The following CHAC2 variants were observed in gnomAD, a reference collection of about 807,000 sequenced individuals.
CHAC2 encodes glutathione-specific gamma-glutamylcyclotransferase 2.
CHAC2 carries 20 observed loss-of-function variants against 16.9 expected under a neutral mutation model. The ratio of observed to expected loss-of-function variants is 1.18; its 90% CI spans 0.83 to 1.72. The LOEUF is 1.72. Ranked by LOEUF, CHAC2 falls within the 40% of genes most tolerant of loss-of-function variation. The probability of loss-of-function intolerance (pLI) is 0.00; values close to 1 mark genes in which losing one functional copy is unlikely to be tolerated. For synonymous variants in CHAC2, 91 were observed against 77.3 expected, an observed-to-expected ratio of 1.18 and a Z score of -0.93; for missense variants, 269 against 222.2, an observed-to-expected ratio of 1.21 and a Z score of -1.34.
chr2:53,771,519 A>AC (rs1453543965), intron 1 of CHAC2, among the ~76,000 whole-genome samples: 35 of 152,222 alleles, frequency 2.3e-4, no homozygotes, highest in African/African-American at 7.9e-4. Context: ...GTCTCAAAAA[A>AC]TAAATAAATA....
intron 2 of CHAC2, among the ~76,000 whole-genome samples, chr2:53,772,551 C>T (rs1012295356): frequency 2.8e-5 from 4 of 143,494 alleles, no homozygotes; most frequent in Admixed American, 6.9e-5. Flanking sequence ...TACCTGCCCC[C>T]GACAGCCAGA....
In CHAC2 at chr2:53,772,214, G is replaced by A. The variant is rs532606537; in HGVS notation, c.171+272G>A. Among the ~76,000 whole-genome samples the A allele has an allele frequency of 3.9e-5, 6 of 152,066 alleles. No individual in the cohort carries two copies. The South Asian group carries it at 6.2e-4, about 16-fold the overall frequency. ...TTTTGAGACAGAGTCTAGCTCTGTC[G>A]CCCAGGCTGGAGTGCAGTGGCGCGA... On this transcript the variant is annotated intron_variant, in intron 2 of 2. Transcript: ENST00000295304.
intron 1 of CHAC2, 126 bp downstream of exon 1, chr2:53,768,147 G>A (rs1228667130): frequency 8.9e-7 from 1 of 1,122,174 alleles, no homozygotes; most frequent in Non-Finnish European, 1.2e-6. Context: ...CATGGCTTGG[G>A]GTAACATTTC....
At position 53,767,967 on chromosome 2, in the gene CHAC2, C is replaced by A; in HGVS notation, c.81C>A (p.Asn27Lys). ...ACAAGCTGGTCGGATACATCACCAA[C>A]TACAGCAGGCGCTTCTGGCAGGGCA... ...YQDKLVGYITNYSRRFWQGST... is the reference protein window; with the variant it reads ...YQDKLVGYITKYSRRFWQGST... Residue 27 changes from asparagine (N) to lysine (K), a missense_variant, in exon 1 of 3, where the codon AAC becomes AAA. Physicochemically the swap from Asn to Lys is moderately conservative, Grantham distance 94 (BLOSUM62 0). Transcript: ENST00000295304. 6.2e-7 allele frequency: 1 copy of A among 1,614,184 alleles called. No individual in the cohort carries two copies. The highest frequency in any genetic ancestry group is 1.1e-5 in the South Asian group (1 of 91,088).
chr2:53,773,427 CTTTTATTTATTTTTTA>C (rs918036940), intron 2 of CHAC2, among the ~76,000 whole-genome samples: 1 of 151,412 alleles, frequency 6.6e-6, no homozygotes. Context: ...ACTGTATTGA[CTTTTATTTATTTTTTA>C]TTTTTTTGAG....
At chr2:53,768,170 C>A in intron 1 of CHAC2, 149 bp downstream of exon 1, 1 of 897,444 alleles carries the variant, frequency 1.1e-6, no homozygotes, top group Non-Finnish European at 1.6e-6. Context: ...TAGATTTTCC[C>A]TGCCACCTGC....
At chr2:53,768,097 C>G in intron 1 of CHAC2, 76 bp downstream of exon 1, 3 of 1,537,132 alleles carry the variant, frequency 2.0e-6, no homozygotes, top group Non-Finnish European at 2.7e-6. Flanking sequence ...GCACCCACAC[C>G]CTAGAGAACC....
At position 53,767,948 on chromosome 2, in the gene CHAC2, T is replaced by C. The variant is rs770336088; in HGVS notation, c.62T>C (p.Leu21Pro). The C allele has an allele frequency of 1.9e-6, 3 of 1,614,128 alleles. No individual in the cohort carries two copies. The South Asian group carries it at 3.3e-5, about 18-fold the overall frequency. Residue 21 changes from leucine (L) to proline (P), a missense_variant, in exon 1 of 3, where the codon CTG becomes CCG. By Grantham distance (98) the Leu-to-Pro change is moderately conservative (BLOSUM62 -3). Coordinates refer to ENST00000295304, the MANE Select transcript of CHAC2 (RefSeq NM_001008708.4). ...WKVDFPYQDK[L>P]VGYITNYSRR... ...GTGGATTTCCCCTATCAGGACAAGC[T>C]GGTCGGATACATCACCAACTACAGC...
intron 1 of CHAC2, among the ~76,000 whole-genome samples, chr2:53,768,520 C>G (rs1259101102): frequency 6.6e-6 from 1 of 152,166 alleles, no homozygotes; most frequent in East Asian, 1.9e-4. Flanking sequence ...TTACATCTTT[C>G]AAAAGTTTTA....
chr2:53,768,297 G>A, intron 1 of CHAC2: 1 of 390,128 alleles, frequency 2.6e-6, no homozygotes, highest in Non-Finnish European at 4.6e-6. Context: ...ACCAGGCTGA[G>A]TGCGGAGATG....
Position 53,774,339 on chromosome 2 carries a change from T to G in CHAC2, c.369T>G (p.Pro123=). Residue 123 remains proline (P), a synonymous_variant, in exon 3 of 3, where the codon CCT becomes CCG. Transcript: ENST00000295304. ...CDNPDYLGPA[P]LEDIAEQIFN... Reference sequence around the variant, plus strand: ...ATCCTGATTATCTTGGTCCTGCACCTCTGGAAGACATTGCTGAACAAATTT... The same window carrying G: ...ATCCTGATTATCTTGGTCCTGCACCGCTGGAAGACATTGCTGAACAAATTT... The G allele has an allele frequency of 6.2e-7, 1 of 1,613,548 alleles. No individual in the cohort carries two copies. The highest frequency in any genetic ancestry group is 8.5e-7 in the Non-Finnish European group (1 of 1,179,886).
intron 1 of CHAC2, among the ~76,000 whole-genome samples, chr2:53,770,605 T>A (rs1054636793): frequency 6.6e-6 from 1 of 152,048 alleles, no homozygotes; most frequent in African/African-American, 2.4e-5. Context: ...AGGCTTTCCA[T>A]TTATAAGCAA....
intron 2 of CHAC2, among the ~76,000 whole-genome samples, chr2:53,772,833 A>T (rs1674037771): frequency 6.6e-6 from 1 of 152,120 alleles, no homozygotes; most frequent in African/African-American, 2.4e-5. Context: ...CCTAGTATCA[A>T]TTAGTTATTT....
chr2:53,767,786 C>T, upstream of CHAC2: 2 of 1,460,328 alleles, frequency 1.4e-6, no homozygotes, highest in East Asian at 2.5e-5. Context: ...ATCGCGCCTG[C>T]GCCCCGCGCG....
intron 2 of CHAC2, among the ~76,000 whole-genome samples, 177 bp from the exon 3 acceptor site, chr2:53,773,965 G>A (rs1674142106): frequency 6.6e-6 from 1 of 152,102 alleles, no homozygotes; most frequent in Admixed American, 6.5e-5. Context: ...AACCCGGGAG[G>A]CTGAGGTTGC....
chr2:53,767,804 AC>A lies in CHAC2; in HGVS notation c.-82del. 1 of 1,514,714 alleles carries A rather than the reference AC, an allele frequency of 6.6e-7. No homozygotes were observed. The allele number at this position is 1,514,714 out of a possible 1,614,324, so 93.8% of individuals were successfully genotyped here. The stretch of plus-strand genomic sequence containing the variant: ...GCGCCTGCGCCCCGCGCGGCCGGTT[AC>A]TCGCTTACCGGAGGCTTCAGTCCCC... On this transcript the variant is annotated 5_prime_UTR_variant, in exon 1 of 3. Transcript: ENST00000295304.
intron 1 of CHAC2, among the ~76,000 whole-genome samples, chr2:53,770,097 C>A (rs751981340): frequency 1.3e-5 from 2 of 151,940 alleles, no homozygotes; most frequent in Non-Finnish European, 2.9e-5. Flanking sequence ...TCTACTTGAC[C>A]CTCACCAATA....
intron 2 of CHAC2, among the ~76,000 whole-genome samples, chr2:53,772,396 A>G (rs370303924): frequency 1.3e-3 from 200 of 152,128 alleles, no homozygotes; most frequent in Middle Eastern, 6.8e-3. Flanking sequence ...GGATGGTCTC[A>G]ATCTCCCGAC....
At position 53,767,867 on chromosome 2, in the gene CHAC2, G is replaced by A. The variant is rs902695986; in HGVS notation, c.-20G>A. On this transcript the variant is annotated 5_prime_UTR_variant, in exon 1 of 3. Transcript: ENST00000295304. ...GACAGCTAGGGTTCACGGCCACTGG[G>A]GCAGAGGAGCCGCGAGAAGATGTGG... 1 of 1,595,816 alleles carries A rather than the reference G, an allele frequency of 6.3e-7. No homozygotes were observed. Among genetic ancestry groups the A allele is most frequent in the Non-Finnish European group, 8.5e-7 (1 of 1,171,226 alleles).
Sources: allele counts gnomAD v4.1 joint callset (sites outside exome capture counted in the v4.1 genomes callset), GRCh38; gene constraint gnomAD v4.1.1; transcripts MANE v1.5; gene names NCBI Gene and HGNC (gene_info 2026-07-23, HGNC 2026-07-21).